The following RBPMS variants were observed in gnomAD, a reference collection of about 807,000 sequenced individuals.
The protein encoded by RBPMS is RNA-binding protein with multiple splicing.
RBPMS carries 7 observed loss-of-function variants against 26.8 expected under a neutral mutation model. The ratio of observed to expected loss-of-function variants is 0.26; its 90% confidence interval spans 0.15 to 0.49. The LOEUF is 0.49. Among genes scored for constraint, RBPMS ranks in the 20% least tolerant of loss-of-function variants. The pLI is 0.98. For synonymous variants in RBPMS, 96 were observed against 93.3 expected (o/e 1.03, Z -0.17); for missense variants, 186 against 250.0 (o/e 0.74, Z 1.73).
intron 8 of RBPMS, among the ~76,000 whole-genome samples, chr8:30,567,996 G>T (rs1320667422): frequency 6.6e-6 from 1 of 152,184 alleles, no homozygotes; most frequent in Non-Finnish European, 1.5e-5. Flanking sequence ...GCAGAGATGG[G>T]CCATTCTCCA....
chr8:30,527,221 T>G (rs545029564), intron 5 of RBPMS, among the ~76,000 whole-genome samples: 9 of 152,302 alleles, frequency 5.9e-5, no homozygotes, highest in Admixed American at 1.3e-4. Context: ...GACACGCTAC[T>G]CATTCTATAT....
At chr8:30,419,518 C>G (rs1205699108) in intron 1 of RBPMS, among the ~76,000 whole-genome samples, 2 of 149,232 alleles carry the variant, frequency 1.3e-5, no homozygotes, top group South Asian at 2.1e-4. Context: ...GAGAGCATTT[C>G]TAATCTCAAA....
At chr8:30,498,392 T>C (rs2150911310) in intron 4 of RBPMS, among the ~76,000 whole-genome samples, 1 of 152,336 alleles carries the variant, frequency 6.6e-6, no homozygotes, top group South Asian at 2.1e-4. Context: ...GAAAGATGAA[T>C]GGGTCGATGA....
chr8:30,410,718 CTTTTT>C (rs33979972), intron 1 of RBPMS, among the ~76,000 whole-genome samples: 1 of 131,922 alleles, frequency 7.6e-6, no homozygotes, highest in African/African-American at 2.8e-5. Flanking sequence ...TTCTTTTTTC[CTTTTT>C]TTTTTTTTTT....
intron 2 of RBPMS, among the ~76,000 whole-genome samples, chr8:30,475,201 A>G (rs1817556000): frequency 6.6e-6 from 1 of 152,210 alleles, no homozygotes; most frequent in Non-Finnish European, 1.5e-5. Context: ...AAAACTTTCA[A>G]ACAAAGTAAA....
intron 5 of RBPMS, among the ~76,000 whole-genome samples, chr8:30,521,598 T>C (rs1439579310): frequency 6.6e-6 from 1 of 152,216 alleles, no homozygotes; most frequent in Non-Finnish European, 1.5e-5. Flanking sequence ...TTATTTTAGA[T>C]TACTCATATA....
At position 30,571,280 on chromosome 8, in the gene RBPMS, T is replaced by A. The variant is rs1288016413; in HGVS notation, c.*755T>A. 1.3e-5 allele frequency: 2 copies of A among 152,234 alleles called. No homozygotes were observed. Among genetic ancestry groups the A allele is most frequent in the Non-Finnish European group, 2.9e-5 (2 of 68,038 alleles). The allele number at this position is 152,234 out of a possible 1,614,324, so 9.4% of individuals were successfully genotyped here. On this transcript the variant is annotated 3_prime_UTR_variant, in exon 9 of 9. Coordinates refer to ENST00000397323, the MANE Select transcript of RBPMS (RefSeq NM_001008710.3). ...TGGTAAGAACTGCTGAGTGTGCCCTTAGAAAGCCCTAGTAGCTCCAGCTGT... is the reference window on the plus strand; with the variant it reads ...TGGTAAGAACTGCTGAGTGTGCCCTAAGAAAGCCCTAGTAGCTCCAGCTGT...
intron 1 of RBPMS, among the ~76,000 whole-genome samples, chr8:30,422,474 AC>A (rs1390924356): frequency 1.3e-5 from 2 of 151,930 alleles, no homozygotes; most frequent in African/African-American, 4.8e-5. Context: ...TTGCTATGTT[AC>A]CCAGGCTCGT....
intron 4 of RBPMS, among the ~76,000 whole-genome samples, chr8:30,491,959 C>T (rs757773457): frequency 3.3e-5 from 5 of 152,250 alleles, no homozygotes; most frequent in East Asian, 1.9e-4. Flanking sequence ...GGCACAATCT[C>T]GGCTCACTGC....
intron 6 of RBPMS, chr8:30,556,140 G>C: frequency 2.0e-6 from 2 of 985,394 alleles, no homozygotes; most frequent in African/African-American, 1.7e-5. Flanking sequence ...GTCCTAGCCT[G>C]AGACACAAGA....
chr8:30,511,289 G>T (rs546407240), intron 5 of RBPMS, among the ~76,000 whole-genome samples: 1 of 151,762 alleles, frequency 6.6e-6, no homozygotes, highest in African/African-American at 2.4e-5. Flanking sequence ...ACCCCAGCCT[G>T]GGTGACAGAG....
At chr8:30,486,450 C>T (rs939324634) in intron 4 of RBPMS, among the ~76,000 whole-genome samples, 30 of 150,376 alleles carry the variant, frequency 2.0e-4, no homozygotes, top group Admixed American at 1.8e-3. Flanking sequence ...GGTGAAACCC[C>T]GTCTCTACTA....
chr8:30,564,884 T>C (rs1827778151), intron 7 of RBPMS: 1 of 150,996 alleles, frequency 6.6e-6, no homozygotes, highest in South Asian at 2.1e-4. Flanking sequence ...CAGGAGCGGG[T>C]TGTCCCCTAT....
chr8:30,512,233 A>G (rs1821795651), intron 5 of RBPMS, among the ~76,000 whole-genome samples: 1 of 151,300 alleles, frequency 6.6e-6, no homozygotes, highest in Non-Finnish European at 1.5e-5. Context: ...TTCCTTTTTT[A>G]TTATTTATTT....
intron 6 of RBPMS, among the ~76,000 whole-genome samples, chr8:30,549,774 C>CT (rs1563439618): frequency 1.4e-5 from 1 of 69,852 alleles, no homozygotes; most frequent in Non-Finnish European, 2.8e-5. Flanking sequence ...TTCTTTTCTT[C>CT]TCTCTCTCTC....
At chr8:30,472,103 T>C (rs1276755596) in intron 1 of RBPMS, among the ~76,000 whole-genome samples, 1 of 152,214 alleles carries the variant, frequency 6.6e-6, no homozygotes, top group Non-Finnish European at 1.5e-5. Flanking sequence ...CAAAGATTTG[T>C]ACATGAATGT....
intron 6 of RBPMS, among the ~76,000 whole-genome samples, chr8:30,557,948 T>TC (rs765750732): frequency 2.0e-5 from 3 of 152,058 alleles, no homozygotes; most frequent in African/African-American, 7.2e-5. Flanking sequence ...TACAGCAACC[T>TC]CCCCCCTCCT....
chr8:30,548,135 TC>T (rs1826012561), intron 6 of RBPMS, among the ~76,000 whole-genome samples: 1 of 152,230 alleles, frequency 6.6e-6, no homozygotes, highest in Non-Finnish European at 1.5e-5. Context: ...AAAGTGATCA[TC>T]CAGTTTACTT....
At position 30,524,388 on chromosome 8, in the gene RBPMS, T is replaced by C. The variant is rs1823362204; in HGVS notation, c.397+19952T>C. ...CAGCCAACAGCCATGTACCAGAATATCCAAATTTTTATTTTCTTATTTTAT... is the reference window on the plus strand; with the variant it reads ...CAGCCAACAGCCATGTACCAGAATACCCAAATTTTTATTTTCTTATTTTAT... On this transcript the variant is annotated intron_variant, in intron 5 of 8. Transcript: ENST00000397323. Among the ~76,000 whole-genome samples the C allele has an allele frequency of 3.3e-5, 5 of 152,128 alleles. No individual in the cohort carries two copies. The South Asian group carries it at 1.0e-3, about 32-fold the overall frequency.
Sources: gnomAD v4.1 joint callset for allele counts (sites outside exome capture counted in the v4.1 genomes callset) on GRCh38, gnomAD v4.1.1 for gene constraint, MANE v1.5 for transcripts, NCBI Gene and HGNC (gene_info 2026-07-23, HGNC 2026-07-21) for gene names.